Variants in WDR33 observed in about 807,000 individuals in gnomAD.
WDR33 encodes the protein pre-mRNA 3' end processing protein WDR33.
WDR33 carries 47 observed loss-of-function variants against 164.9 expected under a neutral mutation model. The observed-to-expected ratio is 0.29, with a 90% CI of 0.23 to 0.36. The LOEUF is 0.36. WDR33 is among the 10% of genes least tolerant of loss of function. The pLI is 1.00. For synonymous variants in WDR33, 505 were observed against 589.0 expected (o/e 0.86, Z 2.06); for missense variants, 1,137 against 1,754.1 (o/e 0.65, Z 6.28).
At chr2:127,781,555 T>C (rs1023039529) in intron 1 of WDR33, among the ~76,000 whole-genome samples, 13 of 152,320 alleles carry the variant, frequency 8.5e-5, no homozygotes, top group African/African-American at 2.9e-4. Flanking sequence ...TTTGTTATCA[T>C]TGGGAGAAAC....
In WDR33 at chr2:127,702,888, A is replaced by T. The variant is rs2105365085; in HGVS notation, c.*3435T>A. ...GTAGATGCTTAACGGTCTCTTCGGA[A>T]ATCCTGCAAATAGAAAGATAATTCT... On this transcript the variant is annotated 3_prime_UTR_variant, in exon 22 of 22. Transcript: ENST00000322313. The T allele has an allele frequency of 6.0e-6, 1 of 167,040 alleles. No homozygotes were observed. The highest frequency in any genetic ancestry group is 1.9e-4 in the East Asian group (1 of 5,192). 10.3% of individuals were successfully genotyped at this position (167,040 alleles called of 1,614,324 possible).
At chr2:127,801,299 C>A (rs531507580) in intron 1 of WDR33, among the ~76,000 whole-genome samples, 1 of 151,868 alleles carries the variant, frequency 6.6e-6, no homozygotes, top group African/African-American at 2.4e-5. Context: ...AAAACACACA[C>A]AGACACAGAA....
At position 127,723,254 on chromosome 2, in the gene WDR33, A is replaced by G; in HGVS notation, c.1290T>C (p.Tyr430=). The G allele has an allele frequency of 6.2e-7, 1 of 1,613,062 alleles. No individual in the cohort carries two copies. Among genetic ancestry groups the G allele is most frequent in the Non-Finnish European group, 8.5e-7 (1 of 1,179,268 alleles). Residue 430 remains tyrosine, a splice_region_variant and synonymous_variant, in exon 12 of 22, where the codon TAT becomes TAC. Transcript: ENST00000322313. The surrounding 1 kb of genome is among the most constrained non-coding windows in gnomAD (Gnocchi z 5.9). ...AGGACAGATGTGCAAGAGTCTCACC[A>G]TATTCTACTCCATCTTCAGACATTC... ...LPGMSEDGVE[Y]DDLEPNSLAV...
intron 7 of WDR33, among the ~76,000 whole-genome samples, chr2:127,751,864 G>A (rs1462216313): frequency 1.3e-5 from 2 of 152,104 alleles, no homozygotes; most frequent in East Asian, 3.8e-4. Flanking sequence ...ACCCACATCT[G>A]CTATGTCACA....
intron 1 of WDR33, among the ~76,000 whole-genome samples, chr2:127,777,059 G>A (rs1275680238): frequency 6.6e-6 from 1 of 152,212 alleles, no homozygotes; most frequent in Non-Finnish European, 1.5e-5. Flanking sequence ...TGGGAAAGGA[G>A]GGTGCAAGAG....
chr2:127,720,427 T>C lies in WDR33; in HGVS notation c.1672-74A>G. On this transcript the variant is annotated intron_variant, in intron 15 of 21. Transcript: ENST00000322313. The surrounding 1 kb of genome is among the most constrained non-coding windows in gnomAD (Gnocchi z 5.9). ...CTTGAAGATGACAATATTGCTATCA[T>C]GTATTCTGTTAGGGGACTCTCAAAC... The C allele has an allele frequency of 1.4e-6, 2 of 1,462,180 alleles. No individual in the cohort carries two copies. The highest frequency in any genetic ancestry group is 1.8e-6 in the Non-Finnish European group (2 of 1,109,772). 90.6% of individuals were successfully genotyped at this position (1,462,180 alleles called of 1,614,324 possible).
Position 127,709,906 on chromosome 2 carries a change from T to TCTA in WDR33, c.3309-53_3309-51dup. On this transcript the variant is annotated intron_variant, in intron 18 of 21. Coordinates refer to ENST00000322313, the MANE Select transcript of WDR33 (RefSeq NM_018383.5). This position sits in a 1 kb window ranked among gnomAD's most constrained non-coding sequence, Gnocchi z 5.0. ...TCCATCTCAGAGAACACCTTGCCAC[T>TCTA]CTAAGTTCATGTTTCAAAGAAGCAT... The TCTA allele has an allele frequency of 6.3e-7, 1 of 1,583,224 alleles. No homozygotes were observed. The highest frequency in any genetic ancestry group is 1.1e-5 in the South Asian group (1 of 87,064).
Position 127,709,262 on chromosome 2 carries a change from G to A in WDR33, c.3565+228C>T, listed in dbSNP as rs867090433. ...CTCCAAAAGCAATTTAGTGGAAAGA[G>A]CAGTCCCGTTTTATACTCAGATAGA... On this transcript the variant is annotated intron_variant, in intron 20 of 21. Coordinates refer to ENST00000322313, the MANE Select transcript of WDR33 (RefSeq NM_018383.5). This position sits in a 1 kb window ranked among gnomAD's most constrained non-coding sequence, Gnocchi z 5.0. 6.6e-6 allele frequency among the ~76,000 whole-genome samples: 1 copy of A among 152,198 alleles called. No individual in the cohort carries two copies. The highest frequency in any genetic ancestry group is 1.5e-5 in the Non-Finnish European group (1 of 68,040).
Position 127,701,538 on chromosome 2 carries a change from C to G in WDR33, c.*4785G>C, listed in dbSNP as rs1329142972. 3.0e-6 allele frequency: 4 copies of G among 1,342,116 alleles called. No individual in the cohort carries two copies. Among genetic ancestry groups the G allele is most frequent in the Non-Finnish European group, 2.9e-6 (3 of 1,044,818 alleles). 83.1% of individuals were successfully genotyped at this position (1,342,116 alleles called of 1,614,324 possible). A position where few individuals can be genotyped will look rare whatever the true frequency, so the allele number is the denominator to read the frequency against. On this transcript the variant is annotated 3_prime_UTR_variant, in exon 22 of 22. Coordinates refer to ENST00000322313, the MANE Select transcript of WDR33 (RefSeq NM_018383.5). The stretch of plus-strand genomic sequence containing the variant: ...CACCGCCTTGTCCAAGATGGCGGAC[C>G]TCCACCGCCAGCTGCAGGAGTACCT...
intron 1 of WDR33, among the ~76,000 whole-genome samples, chr2:127,805,068 C>CTTTTTTTTTTTTTT (rs201681607): frequency 4.7e-5 from 4 of 84,380 alleles, no homozygotes; most frequent in Non-Finnish European, 6.7e-5. Context: ...GAAGTTTTTT[C>CTTTTTTTTTTTTTT]TTTTTTTTTT....
At chr2:127,746,656 TCTCAG>T (rs948245624) in intron 7 of WDR33, among the ~76,000 whole-genome samples, 13 of 152,312 alleles carry the variant, frequency 8.5e-5, no homozygotes, top group African/African-American at 3.1e-4. Flanking sequence ...ACTTGCTGAC[TCTCAG>T]CTGAGTGATG....
intron 7 of WDR33, among the ~76,000 whole-genome samples, chr2:127,742,961 G>A (rs913173527): frequency 6.6e-6 from 1 of 151,480 alleles, no homozygotes; most frequent in African/African-American, 2.4e-5. Flanking sequence ...ATGAGACTCA[G>A]GATTATATTT....
In WDR33 at chr2:127,764,426, T is replaced by C; in HGVS notation, c.626+402A>G. On this transcript the variant is annotated intron_variant, in intron 6 of 21. Transcript: ENST00000322313. This position sits in a 1 kb window ranked among gnomAD's most constrained non-coding sequence, Gnocchi z 6.2. ...TAAGCCTTTTTCCACTTTGTGTGAATTCTGAAGTTGTTTTCTGTAGGCTTT... is the reference window on the plus strand; with the variant it reads ...TAAGCCTTTTTCCACTTTGTGTGAACTCTGAAGTTGTTTTCTGTAGGCTTT... 1 of 1,448,854 alleles carries C rather than the reference T, an allele frequency of 6.9e-7. No homozygotes were observed. Among genetic ancestry groups the C allele is most frequent in the South Asian group, 1.6e-5 (1 of 62,656 alleles). The allele number at this position is 1,448,854 out of a possible 1,614,324, so 89.7% of individuals were successfully genotyped here. A position where few individuals can be genotyped will look rare whatever the true frequency, so the allele number is the denominator to read the frequency against.
chr2:127,754,686 G>A (rs542771994), intron 7 of WDR33, among the ~76,000 whole-genome samples: 2 of 148,066 alleles, frequency 1.4e-5, no homozygotes, highest in South Asian at 4.2e-4. Flanking sequence ...GCCTCCCAAA[G>A]AGCTGGGATT....
chr2:127,742,732 G>C (rs1006177586), intron 7 of WDR33, among the ~76,000 whole-genome samples: 1 of 149,960 alleles, frequency 6.7e-6, no homozygotes, highest in Admixed American at 6.7e-5. Context: ...AATTCCGTAA[G>C]ACAAGCAAAG....
intron 17 of WDR33, among the ~76,000 whole-genome samples, chr2:127,715,948 G>T (rs1686290765): frequency 6.6e-6 from 1 of 152,116 alleles, no homozygotes; most frequent in South Asian, 2.1e-4. Flanking sequence ...GGGGGCGGGG[G>T]ATAAAGAGAA....
At position 127,801,103 on chromosome 2, in the gene WDR33, G is replaced by T. The variant is rs1302776133; in HGVS notation, c.-24+9909C>A. Among the ~76,000 whole-genome samples, 4 of 120,628 alleles carry T rather than the reference G, an allele frequency of 3.3e-5. No homozygotes were observed. In the East Asian group the frequency reaches 8.6e-4, roughly 26 times the overall value. 79.1% of individuals were successfully genotyped at this position (120,628 alleles called of 152,430 possible). A position where few individuals can be genotyped will look rare whatever the true frequency, so the allele number is the denominator to read the frequency against. On this transcript the variant is annotated intron_variant, in intron 1 of 21. Transcript: ENST00000322313. The stretch of plus-strand genomic sequence containing the variant: ...ACAACATAGTGAGACCCTGTCTCTA[G>T]GAAAAAAAAAAAAAAGAAAAGAAAA...
At chr2:127,773,393 C>T (rs1688074336) in intron 1 of WDR33, among the ~76,000 whole-genome samples, 1 of 148,854 alleles carries the variant, frequency 6.7e-6, no homozygotes, top group Non-Finnish European at 1.5e-5. Flanking sequence ...CCTCCTAAGA[C>T]CATTAAATTT....
chr2:127,748,385 T>G (rs1279448473), intron 7 of WDR33, among the ~76,000 whole-genome samples: 2 of 152,186 alleles, frequency 1.3e-5, no homozygotes, highest in Non-Finnish European at 2.9e-5. Flanking sequence ...AACAGTGAAA[T>G]GAAAATAGAC....
Sources: allele counts gnomAD v4.1 joint callset (sites outside exome capture counted in the v4.1 genomes callset), GRCh38; gene constraint gnomAD v4.1.1; non-coding constraint Gnocchi (gnomAD v3.1); transcripts MANE v1.5; gene names NCBI Gene and HGNC (gene_info 2026-07-23, HGNC 2026-07-21).